Variants in FOXP2 observed in about 807,000 individuals in gnomAD.
The protein encoded by FOXP2 is forkhead box P2.
A neutral mutation model predicts 115.8 loss-of-function variants in FOXP2; 12 were observed. That is an observed-to-expected ratio of 0.10 (90% CI 0.07 to 0.17). The LOEUF is 0.17. FOXP2 is among the 10% of genes least tolerant of loss of function. The probability of loss-of-function intolerance (pLI) is 1.00; values close to 1 mark genes in which losing one functional copy is unlikely to be tolerated. For missense variants in FOXP2, 629 were observed against 843.5 expected, an observed-to-expected ratio of 0.75 and a Z score of 3.15; for synonymous variants, 328 against 297.7, an observed-to-expected ratio of 1.10 and a Z score of -1.05.
intron 2 of FOXP2, among the ~76,000 whole-genome samples, chr7:114,391,247 C>A (rs1361941751): frequency 6.6e-6 from 1 of 152,100 alleles, no homozygotes; most frequent in East Asian, 1.9e-4. Flanking sequence ...AACACTAAGC[C>A]CACATTTCCA....
chr7:114,296,970 A>AT (rs1347738985), intron 2 of FOXP2: 1 of 218,606 alleles, frequency 4.6e-6, no homozygotes, highest in African/African-American at 2.4e-5. Context: ...TGTATAGTTA[A>AT]TTTTTTAAAA....
intron 3 of FOXP2, among the ~76,000 whole-genome samples, chr7:114,567,077 T>A (rs1403160533): frequency 6.6e-6 from 1 of 152,090 alleles, no homozygotes; most frequent in African/African-American, 2.4e-5. Context: ...GTATGTATCA[T>A]GAAGTCTACT....
intron 2 of FOXP2, among the ~76,000 whole-genome samples, chr7:114,496,424 G>C (rs1797324783): frequency 6.6e-6 from 1 of 152,106 alleles, no homozygotes; most frequent in South Asian, 2.1e-4. Context: ...ACTCAAAGTA[G>C]AAACTAGAAT....
At chr7:114,253,585 G>C (rs569944064) in intron 1 of FOXP2, among the ~76,000 whole-genome samples, 85 of 152,228 alleles carry the variant, frequency 5.6e-4, no homozygotes, top group African/African-American at 1.9e-3. Flanking sequence ...TTGGTTTAAA[G>C]TCTGTTTTAT....
chr7:114,447,857 G>T (rs1401802750), intron 2 of FOXP2, among the ~76,000 whole-genome samples: 1 of 152,046 alleles, frequency 6.6e-6, no homozygotes, highest in Non-Finnish European at 1.5e-5. Context: ...TCAGAGTTTT[G>T]AATATGGTAG....
intron 1 of FOXP2, among the ~76,000 whole-genome samples, chr7:114,204,556 G>A (rs897254966): frequency 1.3e-4 from 20 of 151,968 alleles, no homozygotes; most frequent in African/African-American, 2.9e-4. Context: ...CCCCTTCCCC[G>A]TTTTTCACAT....
chr7:114,313,759 AAAACAAAAAT>A (rs1248386362), intron 2 of FOXP2, among the ~76,000 whole-genome samples: 1 of 151,328 alleles, frequency 6.6e-6, no homozygotes, highest in African/African-American at 2.4e-5. Flanking sequence ...AAAAAAAAAA[AAAACAAAAAT>A]ATTGTCATTA....
At chr7:114,475,554 A>C (rs1021963842) in intron 2 of FOXP2, among the ~76,000 whole-genome samples, 9 of 152,046 alleles carry the variant, frequency 5.9e-5, no homozygotes, top group African/African-American at 9.7e-5. Context: ...ACATGACCAT[A>C]GGAGAAACTA....
chr7:114,275,842 T>C (rs1584600574), intron 1 of FOXP2, among the ~76,000 whole-genome samples: 1 of 152,190 alleles, frequency 6.6e-6, no homozygotes, highest in East Asian at 1.9e-4. Context: ...ACAGAAAGCA[T>C]TCTATAGTTC....
chr7:114,393,320 G>A (rs1050548736), intron 2 of FOXP2, among the ~76,000 whole-genome samples: 1 of 151,104 alleles, frequency 6.6e-6, no homozygotes, highest in African/African-American at 2.4e-5. Flanking sequence ...GAGCAGTTTA[G>A]TCTTACAGCC....
chr7:114,128,249 T>A (rs1278784197), intron 1 of FOXP2, among the ~76,000 whole-genome samples: 1 of 152,154 alleles, frequency 6.6e-6, no homozygotes, highest in Non-Finnish European at 1.5e-5. Flanking sequence ...CGAAGGAATT[T>A]TCTGCAACTC....
chr7:114,159,545 T>C (rs762093321), upstream of FOXP2, among the ~76,000 whole-genome samples: 10 of 151,412 alleles, frequency 6.6e-5, no homozygotes, highest in Non-Finnish European at 1.0e-4. Flanking sequence ...AAATGATAAA[T>C]GAATAATACA....
intron 3 of FOXP2, among the ~76,000 whole-genome samples, chr7:114,624,737 T>A (rs1295038636): frequency 6.6e-6 from 1 of 151,696 alleles, no homozygotes; most frequent in Admixed American, 6.6e-5. Context: ...TGACATATAC[T>A]TTAAATTTTA....
At chr7:114,635,782 A>G (rs1805184467) in intron 6 of FOXP2, among the ~76,000 whole-genome samples, 1 of 152,098 alleles carries the variant, frequency 6.6e-6, no homozygotes, top group Non-Finnish European at 1.5e-5. Context: ...TCTTGAGAGG[A>G]AGACTCGAAA....
intron 2 of FOXP2, among the ~76,000 whole-genome samples, chr7:114,355,221 A>C (rs1286734237): frequency 6.6e-6 from 1 of 151,992 alleles, no homozygotes; most frequent in Non-Finnish European, 1.5e-5. Context: ...ATCTAGCTTG[A>C]CCTCTGTGGG....
chr7:114,132,177 T>C (rs1283198258), intron 1 of FOXP2, among the ~76,000 whole-genome samples: 2 of 152,194 alleles, frequency 1.3e-5, no homozygotes, highest in Non-Finnish European at 2.9e-5. Context: ...ACTAATATCG[T>C]ATTAAACTGA....
At chr7:114,154,501 G>C (rs952898656) in intron 1 of FOXP2, among the ~76,000 whole-genome samples, 1 of 151,942 alleles carries the variant, frequency 6.6e-6, no homozygotes, top group Non-Finnish European at 1.5e-5. Context: ...GTGCCTTTTT[G>C]AGAATGGAAG....
intron 1 of FOXP2, among the ~76,000 whole-genome samples, chr7:114,253,033 C>T (rs1795495340): frequency 6.6e-6 from 1 of 152,100 alleles, no homozygotes; most frequent in Non-Finnish European, 1.5e-5. Flanking sequence ...TTATTTCTGC[C>T]TTCATTTCGT....
intron 15 of FOXP2, 97 bp from the exon 16 acceptor site, chr7:114,664,176 A>T: frequency 7.5e-7 from 1 of 1,330,968 alleles, no homozygotes; most frequent in East Asian, 2.5e-5. Flanking sequence ...TAAAATATCT[A>T]TTTCCTTATT....
Sources: allele counts gnomAD v4.1 joint callset (sites outside exome capture counted in the v4.1 genomes callset), GRCh38; gene constraint gnomAD v4.1.1; transcripts MANE v1.5; gene names NCBI Gene and HGNC (gene_info 2026-07-23, HGNC 2026-07-21).